Variants in PSMD12 observed in about 807,000 individuals in gnomAD.
The protein encoded by PSMD12 is proteasome 26S subunit, non-ATPase 12, also known as 26S proteasome non-ATPase regulatory subunit 12.
In PSMD12, 8 loss-of-function variants were observed where a neutral mutation model predicts 62.9. The ratio of observed to expected loss-of-function variants is 0.13; its 90% CI spans 0.07 to 0.23. PSMD12 has a LOEUF of 0.23. Among genes scored for constraint, PSMD12 ranks in the 10% least tolerant of loss-of-function variants. The probability of loss-of-function intolerance (pLI) is 1.00; values close to 1 mark genes in which losing one functional copy is unlikely to be tolerated. For synonymous variants in PSMD12, 173 were observed against 187.4 expected (o/e 0.92, Z 0.63); for missense variants, 424 against 550.2 (o/e 0.77, Z 2.29).
intron 8 of PSMD12, 29 bp downstream of exon 8, chr17:67,345,716 T>C: frequency 6.5e-7 from 1 of 1,547,804 alleles, no homozygotes; most frequent in East Asian, 2.2e-5. Flanking sequence ...TCGACTGAGA[T>C]ATATCATGCT....
intron 3 of PSMD12, among the ~76,000 whole-genome samples, chr17:67,356,554 T>A: frequency 1.0e-4 from 2 of 19,052 alleles, no homozygotes; most frequent in African/African-American, 1.3e-4. Context: ...CGAGACTCCG[T>A]CTCAAAAAAA....
At chr17:67,363,003 C>G (rs1361337349) in intron 1 of PSMD12, 1 of 152,152 alleles carries the variant, frequency 6.6e-6, no homozygotes, top group Non-Finnish European at 1.5e-5. Flanking sequence ...GGTGTTAGGA[C>G]AGACATAAAA....
At chr17:67,361,065 C>A (rs1298777356) in intron 1 of PSMD12, 1 of 152,160 alleles carries the variant, frequency 6.6e-6, no homozygotes, top group South Asian at 2.1e-4. Context: ...CTCAGAGGAA[C>A]AAATGGTTAG....
intron 3 of PSMD12, among the ~76,000 whole-genome samples, chr17:67,355,884 T>G (rs1198464074): frequency 6.6e-6 from 1 of 151,722 alleles, no homozygotes; most frequent in African/African-American, 2.4e-5. Flanking sequence ...TCCCAGCACT[T>G]TGGGAGGCTG....
rs749334795 is a variant in PSMD12 at position 67,340,904 on chromosome 17, G to T, written c.1310C>A (p.Ser437Tyr). 2 of 1,595,004 alleles carry T rather than the reference G, an allele frequency of 1.3e-6. No individual in the cohort carries two copies. Among genetic ancestry groups the T allele is most frequent in the African/African-American group, 2.7e-5 (2 of 73,416 alleles). The change falls in exon 11 of 11, where the codon TCT (serine) becomes TAT (tyrosine). Residue 437 changes from serine to tyrosine, a missense_variant. Transcript: ENST00000356126. The part of the protein sequence containing the change: ...DWSQKLNSLM[S>Y]LVNKTTHLIA... Reference sequence around the variant, plus strand: ...GAGATGCGTAGTTTTGTTAACCAGAGACATTAATGAGTTCAGTTTCTGAGA... The same window carrying T: ...GAGATGCGTAGTTTTGTTAACCAGATACATTAATGAGTTCAGTTTCTGAGA...
At chr17:67,353,577 G>A (rs186645407) in intron 3 of PSMD12, among the ~76,000 whole-genome samples, 242 of 152,264 alleles carry the variant, frequency 1.6e-3, no homozygotes, top group African/African-American at 5.3e-3. Context: ...AAAGTGCTAG[G>A]ATTACAGGTG....
chr17:67,348,793 T>A, intron 4 of PSMD12, 139 bp from the exon 5 acceptor site: 2 of 652,914 alleles, frequency 3.1e-6, no homozygotes, highest in Non-Finnish European at 5.2e-6. Context: ...AGTCCAGGAG[T>A]TTGAGACCAG....
intron 9 of PSMD12, 31 bp from the exon 10 acceptor site, chr17:67,342,294 C>A: frequency 7.2e-7 from 1 of 1,395,706 alleles, no homozygotes; most frequent in Non-Finnish European, 1.0e-6. Flanking sequence ...AGGGAGAACA[C>A]GTAACATTTG....
chr17:67,361,353 G>C (rs975999993), intron 1 of PSMD12: 1 of 152,136 alleles, frequency 6.6e-6, no homozygotes, highest in Non-Finnish European at 1.5e-5. Context: ...AGGCCAAGAC[G>C]GGCAGATCAC....
At position 67,362,287 on chromosome 17, in the gene PSMD12, C is replaced by T. The variant is rs546373279; in HGVS notation, c.108+4125G>A. Among the ~76,000 whole-genome samples, 5 of 152,248 alleles carry T rather than the reference C, an allele frequency of 3.3e-5. No individual in the cohort carries two copies. In the East Asian group the frequency reaches 9.6e-4, roughly 29 times the overall value. On this transcript the variant is annotated intron_variant, in intron 1 of 10. Transcript: ENST00000356126. ...CCTGAATACAAGGCAAAGAGATAAC[C>T]ATCATCAAGAACTAGTATCACTTTT...
At chr17:67,352,444 T>C (rs2042027539) in intron 3 of PSMD12, among the ~76,000 whole-genome samples, 2 of 152,172 alleles carry the variant, frequency 1.3e-5, no homozygotes, top group Admixed American at 1.3e-4. Flanking sequence ...TATAACTCTT[T>C]CAATAAGTTC....
intron 9 of PSMD12, among the ~76,000 whole-genome samples, chr17:67,344,267 C>T (rs562170266): frequency 6.6e-6 from 1 of 152,238 alleles, no homozygotes; most frequent in African/African-American, 2.4e-5. Context: ...ATTTTGGATT[C>T]TTAAGAGGTT....
chr17:67,355,464 C>T (rs1361754549), intron 3 of PSMD12: 2 of 152,108 alleles, frequency 1.3e-5, no homozygotes, highest in African/African-American at 4.8e-5. Context: ...TAACTGACTT[C>T]TGCAAAAAAT....
intron 1 of PSMD12, among the ~76,000 whole-genome samples, chr17:67,358,522 C>T (rs567631054): frequency 2.2e-4 from 31 of 140,304 alleles, no homozygotes; most frequent in African/African-American, 7.0e-4. Context: ...AAGCCAAGAT[C>T]GCACCACTGC....
intron 3 of PSMD12, among the ~76,000 whole-genome samples, chr17:67,350,619 C>T (rs544753164): frequency 1.3e-5 from 2 of 152,258 alleles, no homozygotes; most frequent in East Asian, 1.9e-4. Context: ...AAGCAGAGGT[C>T]CACAGCGGCT....
Position 67,347,490 on chromosome 17 carries a change from C to T in PSMD12, c.511-5G>A. ...CATTGACCCGTAGGTTTCCACCTAGCACAGTAATTCCCCAAATAAGTTTAT... is the reference window on the plus strand; with the variant it reads ...CATTGACCCGTAGGTTTCCACCTAGTACAGTAATTCCCCAAATAAGTTTAT... On this transcript the variant is annotated splice_polypyrimidine_tract_variant and splice_region_variant and intron_variant, in intron 5 of 10. Coordinates refer to ENST00000356126, the MANE Select transcript of PSMD12 (RefSeq NM_002816.5). 6.2e-7 allele frequency: 1 copy of T among 1,602,788 alleles called. No homozygotes were observed.
chr17:67,344,816 T>C, intron 8 of PSMD12, 36 bp from the exon 9 acceptor site: 1 of 1,453,482 alleles, frequency 6.9e-7, no homozygotes, highest in Non-Finnish European at 9.2e-7. Context: ...TCCAAATCTG[T>C]AAAAATTAAG....
At chr17:67,354,398 T>C (rs1368246258) in intron 3 of PSMD12, among the ~76,000 whole-genome samples, 1 of 149,464 alleles carries the variant, frequency 6.7e-6, no homozygotes, top group Non-Finnish European at 1.5e-5. Context: ...CGACAGAGAC[T>C]GTTTCAAAAA....
chr17:67,344,834 T>A, intron 8 of PSMD12, 54 bp from the exon 9 acceptor site: 1 of 1,359,578 alleles, frequency 7.4e-7, no homozygotes, highest in Non-Finnish European at 9.8e-7. Context: ...AAGTATTAAC[T>A]AATATAATAG....
Sources: gnomAD v4.1 joint callset for allele counts (sites outside exome capture counted in the v4.1 genomes callset) on GRCh38, gnomAD v4.1.1 for gene constraint, MANE v1.5 for transcripts, NCBI Gene and HGNC (gene_info 2026-07-23, HGNC 2026-07-21) for gene names.